SLC9C2: variants seen among roughly 807,000 people sequenced by gnomAD.
The protein encoded by SLC9C2 is solute carrier family 9 member C2 (putative).
SLC9C2 carries 75 observed loss-of-function variants against 140.2 expected under a neutral mutation model. The observed-to-expected ratio is 0.53, with a 90% CI of 0.44 to 0.65. The LOEUF (loss-of-function observed/expected upper bound fraction) is 0.65. SLC9C2 is among the 30% of genes least tolerant of loss of function. The pLI is 0.00. For synonymous variants in SLC9C2, 375 were observed against 420.9 expected (o/e 0.89, Z 1.34); for missense variants, 1,074 against 1,331.8 (o/e 0.81, Z 3.01).
intron 9 of SLC9C2, among the ~76,000 whole-genome samples, chr1:173,572,012 T>C (rs1434506942): frequency 6.6e-6 from 1 of 152,196 alleles, no homozygotes; most frequent in Non-Finnish European, 1.5e-5. Flanking sequence ...CATTACCTCA[T>C]TGAATCCTCA....
chr1:173,583,792 T>G (rs1362004747), intron 5 of SLC9C2, among the ~76,000 whole-genome samples, 170 bp from the exon 6 acceptor site: 1 of 152,240 alleles, frequency 6.6e-6, no homozygotes, highest in Non-Finnish European at 1.5e-5. Context: ...TTTAAATTTC[T>G]ATATTGTGCC....
At chr1:173,554,620 A>G in intron 11 of SLC9C2, 113 bp downstream of exon 11, 2 of 699,594 alleles carry the variant, frequency 2.9e-6, no homozygotes, top group East Asian at 2.6e-5. Context: ...TGAAAAATGA[A>G]TAATTTCTAA....
Position 173,534,680 on chromosome 1 carries a change from C to G in SLC9C2, c.1778G>C (p.Ser593Thr). The change falls in exon 16 of 28, where the codon AGT becomes ACT. Residue 593 changes from serine (S) to threonine (T), a missense_variant and splice_region_variant. Physicochemically the swap from Ser to Thr is moderately conservative, Grantham distance 58 (BLOSUM62 1). Coordinates refer to ENST00000367714, the MANE Select transcript of SLC9C2 (RefSeq NM_178527.4). ...AAATATAAAAGTCAGAAATGTATTA[C>G]TCCTGAAAAGAGATCAAATAAAATG... ...IEKIHFIPPE[S>T]NTFLTFIFHI... 1 of 1,486,072 alleles carries G rather than the reference C, an allele frequency of 6.7e-7. No individual in the cohort carries two copies. The highest frequency in any genetic ancestry group is 2.3e-5 in the Admixed American group (1 of 43,252). The allele number at this position is 1,486,072 out of a possible 1,614,324, so 92.1% of individuals were successfully genotyped here. A position where few individuals can be genotyped will look rare whatever the true frequency, so the allele number is the denominator to read the frequency against.
chr1:173,506,911 G>A lies in SLC9C2; in HGVS notation c.3170C>T (p.Thr1057Ile), dbSNP rs745652634. 9.9e-6 allele frequency: 16 copies of A among 1,613,856 alleles called. 1 individual carries two copies. The highest frequency in any genetic ancestry group is 8.9e-5 in the East Asian group (4 of 44,850). Residue 1057 changes from threonine (T) to isoleucine (I), a missense_variant, in exon 25 of 28, where the codon ACT becomes ATT. Transcript: ENST00000367714. Reference protein sequence around the residue: ...VIIVYGSVIDTKTEEPYFAPC... With the variant: ...VIIVYGSVIDIKTEEPYFAPC... Reference sequence around the variant, plus strand: ...TGCAAAATATGGTTCCTCTGTCTTAGTATCAATTACACTGCCATACACAAT... The same window carrying A: ...TGCAAAATATGGTTCCTCTGTCTTAATATCAATTACACTGCCATACACAAT...
At chr1:173,601,601 A>G in intron 2 of SLC9C2, 49 bp downstream of exon 2, 1 of 1,589,570 alleles carries the variant, frequency 6.3e-7, no homozygotes, top group Non-Finnish European at 8.6e-7. Context: ...TGCATTGACA[A>G]AAGGTTCACA....
At chr1:173,567,390 T>G (rs926179403) in intron 9 of SLC9C2, among the ~76,000 whole-genome samples, 1 of 152,148 alleles carries the variant, frequency 6.6e-6, no homozygotes, top group African/African-American at 2.4e-5. Context: ...CTTGCTGAAT[T>G]GACTCCTTTA....
At chr1:173,522,816 C>A (rs1198945157) in intron 21 of SLC9C2, among the ~76,000 whole-genome samples, 2 of 152,186 alleles carry the variant, frequency 1.3e-5, no homozygotes, top group Non-Finnish European at 2.9e-5. Context: ...ACTCCAGGCA[C>A]ACTTGGCCTC....
At chr1:173,519,815 T>C (rs1385978015) in intron 22 of SLC9C2, among the ~76,000 whole-genome samples, 1 of 152,068 alleles carries the variant, frequency 6.6e-6, no homozygotes, top group Non-Finnish European at 1.5e-5. Context: ...TGGGGCCAAG[T>C]GAATTTTTTT....
At chr1:173,520,230 G>C (rs1360541267) in intron 22 of SLC9C2, among the ~76,000 whole-genome samples, 1 of 152,150 alleles carries the variant, frequency 6.6e-6, no homozygotes, top group Non-Finnish European at 1.5e-5. Flanking sequence ...ACCATGCCCG[G>C]CTAATTTGTG....
At chr1:173,552,247 A>C (rs1232747441) in intron 11 of SLC9C2, among the ~76,000 whole-genome samples, 1 of 152,254 alleles carries the variant, frequency 6.6e-6, no homozygotes, top group Non-Finnish European at 1.5e-5. Flanking sequence ...TCTCCATTAC[A>C]TAAAAGTGCA....
At chr1:173,576,395 T>C (rs1665180653) in intron 8 of SLC9C2, among the ~76,000 whole-genome samples, 1 of 152,216 alleles carries the variant, frequency 6.6e-6, no homozygotes, top group Non-Finnish European at 1.5e-5. Context: ...TAAATCTCCA[T>C]GGTTCAAAGT....
At chr1:173,576,570 GAA>G (rs958885482) in intron 8 of SLC9C2, 89 bp downstream of exon 8, 2 of 721,488 alleles carry the variant, frequency 2.8e-6, no homozygotes, top group African/African-American at 1.8e-5. Context: ...AAAGGTTATG[GAA>G]AAAGAGTTTT....
chr1:173,581,965 G>C lies in SLC9C2; in HGVS notation c.684C>G (p.Ser228Arg). The C allele has an allele frequency of 6.3e-7, 1 of 1,597,972 alleles. No homozygotes were observed. The highest frequency in any genetic ancestry group is 8.5e-7 in the Non-Finnish European group (1 of 1,169,878). Reference sequence around the variant, plus strand: ...TTGCACACCAATATCCAAATATTATGCTTCCCAAAATGTCATAGCTGAGTT... The same window carrying C: ...TTGCACACCAATATCCAAATATTATCCTTCCCAAAATGTCATAGCTGAGTT... ...GIELSYDILGSIIFGYWCAKI... is the reference protein window; with the variant it reads ...GIELSYDILGRIIFGYWCAKI... Residue 228 changes from serine (S) to arginine (R), a missense_variant, in exon 7 of 28, where the codon AGC becomes AGG. Physicochemically the swap from Ser to Arg is moderately radical, Grantham distance 110. Coordinates refer to ENST00000367714, the MANE Select transcript of SLC9C2 (RefSeq NM_178527.4).
At chr1:173,580,884 C>G (rs1054863184) in intron 7 of SLC9C2, among the ~76,000 whole-genome samples, 11 of 152,238 alleles carry the variant, frequency 7.2e-5, no homozygotes, top group African/African-American at 2.6e-4. Flanking sequence ...TGACTAAGAG[C>G]CTCCACCTCA....
rs574954134 is a variant in SLC9C2 at position 173,506,308 on chromosome 1, C to G, written c.3225+548G>C. Among the ~76,000 whole-genome samples the G allele has an allele frequency of 3.2e-4, 49 of 152,344 alleles. 1 individual carries two copies. Among genetic ancestry groups the G allele is most frequent in the African/African-American group, 1.2e-3 (48 of 41,596 alleles). The stretch of plus-strand genomic sequence containing the variant: ...CCCCATTCCTTTGCCCAGTGGCAGG[C>G]AGCTTGGGCCATTAGGGACTTTGCT... On this transcript the variant is annotated intron_variant, in intron 25 of 27. Coordinates refer to ENST00000367714, the MANE Select transcript of SLC9C2 (RefSeq NM_178527.4).
intron 7 of SLC9C2, among the ~76,000 whole-genome samples, chr1:173,578,666 T>C (rs1376757069): frequency 1.3e-5 from 2 of 152,202 alleles, no homozygotes; most frequent in Non-Finnish European, 2.9e-5. Flanking sequence ...TAGTTCCTTC[T>C]GAGGGCTGTG....
chr1:173,528,604 CTCT>C (rs1482129442), intron 18 of SLC9C2, among the ~76,000 whole-genome samples: 2 of 152,150 alleles, frequency 1.3e-5, no homozygotes, highest in Non-Finnish European at 2.9e-5. Flanking sequence ...GCCTCTTTTC[CTCT>C]TCTTATTTCA....
At chr1:173,598,801 A>AT (rs1433775703) in intron 3 of SLC9C2, among the ~76,000 whole-genome samples, 2 of 152,214 alleles carry the variant, frequency 1.3e-5, no homozygotes, top group Admixed American at 6.5e-5. Flanking sequence ...GGCACTTAGT[A>AT]AACACTCTAA....
At chr1:173,566,980 A>G (rs1272634906) in intron 9 of SLC9C2, among the ~76,000 whole-genome samples, 10 of 151,962 alleles carry the variant, frequency 6.6e-5, no homozygotes, top group Admixed American at 6.6e-4. Flanking sequence ...CCTGTGTTGT[A>G]TAGTTTGCAA....
Sources: allele counts gnomAD v4.1 joint callset (sites outside exome capture counted in the v4.1 genomes callset), GRCh38; gene constraint gnomAD v4.1.1; transcripts MANE v1.5; gene names NCBI Gene and HGNC (gene_info 2026-07-23, HGNC 2026-07-21).